MNAT1: variants seen among roughly 807,000 people sequenced by gnomAD.
The protein encoded by MNAT1 is MNAT1 component of CDK activating kinase.
Under a neutral mutation model 42.0 loss-of-function variants are expected in MNAT1, and 43 were observed. That is an observed-to-expected ratio of 1.02 (90% CI 0.80 to 1.32). The LOEUF is 1.32. Ranked by LOEUF, MNAT1 falls within the 40% of genes most tolerant of loss-of-function variation. The pLI is 0.00. For missense variants in MNAT1, 306 were observed against 350.4 expected, an observed-to-expected ratio of 0.87 and a Z score of 1.01; for synonymous variants, 118 against 120.0, an observed-to-expected ratio of 0.98 and a Z score of 0.11.
At chr14:60,894,971 A>C (rs2034921765) in intron 7 of MNAT1, among the ~76,000 whole-genome samples, 1 of 152,172 alleles carries the variant, frequency 6.6e-6, no homozygotes, top group South Asian at 2.1e-4. Flanking sequence ...AGAATTGCTA[A>C]ATAATTTGTT....
chr14:60,879,661 A>G (rs1191445666), intron 6 of MNAT1, 53 bp from the exon 7 acceptor site: 1 of 1,492,596 alleles, frequency 6.7e-7, no homozygotes. Context: ...ATAAATAAGT[A>G]GCAATATGAA....
chr14:60,952,042 A>G (rs2036393725), intron 7 of MNAT1, among the ~76,000 whole-genome samples: 1 of 152,138 alleles, frequency 6.6e-6, no homozygotes, highest in South Asian at 2.1e-4. Flanking sequence ...AAATTTTCCT[A>G]GGAGCTGTTT....
At chr14:60,788,274 T>C (rs1481613424) in intron 1 of MNAT1, among the ~76,000 whole-genome samples, 1 of 152,136 alleles carries the variant, frequency 6.6e-6, no homozygotes, top group African/African-American at 2.4e-5. Flanking sequence ...GAATCTTTTT[T>C]TCCGAGCAAT....
intron 6 of MNAT1, among the ~76,000 whole-genome samples, chr14:60,869,910 A>ATACTC (rs1190784735): frequency 6.6e-6 from 1 of 152,188 alleles, no homozygotes; most frequent in Admixed American, 6.5e-5. Flanking sequence ...AACACAAAAG[A>ATACTC]TACTCTGCTC....
intron 7 of MNAT1, among the ~76,000 whole-genome samples, chr14:60,965,512 AT>A (rs554553914): frequency 1.5e-4 from 23 of 152,344 alleles, no homozygotes; most frequent in Admixed American, 1.4e-3. Flanking sequence ...AGGATAACAT[AT>A]AAAAAGCTGT....
intron 6 of MNAT1, among the ~76,000 whole-genome samples, chr14:60,836,313 G>A (rs2033387272): frequency 6.6e-6 from 1 of 152,128 alleles, no homozygotes; most frequent in Non-Finnish European, 1.5e-5. Flanking sequence ...AGGAGAAGAG[G>A]TGTTATGCTT....
intron 6 of MNAT1, among the ~76,000 whole-genome samples, chr14:60,869,302 A>ATC (rs2034278288): frequency 6.6e-6 from 1 of 151,818 alleles, no homozygotes; most frequent in Non-Finnish European, 1.5e-5. Context: ...CGGCCTCCCA[A>ATC]AGTGCTAGGA....
intron 6 of MNAT1, among the ~76,000 whole-genome samples, chr14:60,844,434 T>C (rs960156798): frequency 6.6e-6 from 1 of 152,122 alleles, no homozygotes; most frequent in Non-Finnish European, 1.5e-5. Context: ...GTTAGACTTA[T>C]TGTCATTTTT....
At chr14:60,826,174 A>G (rs534629985) in intron 6 of MNAT1, among the ~76,000 whole-genome samples, 8 of 152,128 alleles carry the variant, frequency 5.3e-5, no homozygotes, top group Non-Finnish European at 8.8e-5. Flanking sequence ...TATTTGAAGT[A>G]TATTTTCTAG....
intron 1 of MNAT1, among the ~76,000 whole-genome samples, chr14:60,760,877 G>T (rs2030570951): frequency 6.6e-6 from 1 of 152,136 alleles, no homozygotes; most frequent in Admixed American, 6.5e-5. Context: ...TTCTTACCAG[G>T]TGCATTATTG....
chr14:60,748,494 G>A (rs575660203), intron 1 of MNAT1, among the ~76,000 whole-genome samples: 1 of 152,218 alleles, frequency 6.6e-6, no homozygotes, highest in Non-Finnish European at 1.5e-5. Context: ...GCCTCCCAAA[G>A]TGCTGGGATT....
intron 1 of MNAT1, among the ~76,000 whole-genome samples, chr14:60,784,519 C>T (rs981463699): frequency 2.6e-5 from 4 of 151,794 alleles, no homozygotes; most frequent in Admixed American, 2.6e-4. Flanking sequence ...CTTGCCCTGT[C>T]ACCCAGGCTG....
chr14:60,937,254 G>T (rs1317659359), intron 7 of MNAT1, among the ~76,000 whole-genome samples: 1 of 152,068 alleles, frequency 6.6e-6, no homozygotes, highest in Non-Finnish European at 1.5e-5. Flanking sequence ...GTCAATTTTG[G>T]CTTTTGTTGC....
intron 7 of MNAT1, among the ~76,000 whole-genome samples, chr14:60,951,123 A>C (rs1419444632): frequency 6.6e-6 from 1 of 152,190 alleles, no homozygotes; most frequent in Non-Finnish European, 1.5e-5. Context: ...AGAAGCACAG[A>C]GAGTAATATA....
At position 60,879,694 on chromosome 14, in the gene MNAT1, T is replaced by G; in HGVS notation, c.688-20T>G. ...GAAAATAATAATAAGAGGTATTAAG[T>G]TCCTTCATTTTTCTAACAGGGTCAA... is the stretch of plus-strand genomic sequence containing the variant. On this transcript the variant is annotated intron_variant, in intron 6 of 7. Transcript: ENST00000261245. The G allele has an allele frequency of 6.3e-7, 1 of 1,599,176 alleles. No homozygotes were observed.
intron 7 of MNAT1, among the ~76,000 whole-genome samples, chr14:60,936,998 G>GTC: frequency 6.6e-6 from 1 of 151,384 alleles, no homozygotes; most frequent in African/African-American, 2.5e-5. Flanking sequence ...ATTTTTTCAT[G>GTC]TGTTTTTTGG....
chr14:60,836,306 A>G (rs1011283679), intron 6 of MNAT1, among the ~76,000 whole-genome samples: 1 of 152,014 alleles, frequency 6.6e-6, no homozygotes, highest in African/African-American at 2.4e-5. Flanking sequence ...CCTTTGGAGG[A>G]GAAGAGGTGT....
At chr14:60,840,008 G>A (rs1371215917) in intron 6 of MNAT1, among the ~76,000 whole-genome samples, 2 of 152,224 alleles carry the variant, frequency 1.3e-5, no homozygotes, top group Admixed American at 1.3e-4. Flanking sequence ...TGCACAAAAG[G>A]TGCCACCAGC....
intron 5 of MNAT1, among the ~76,000 whole-genome samples, chr14:60,815,323 C>A (rs1489833579): frequency 2.0e-5 from 3 of 151,710 alleles, no homozygotes; most frequent in African/African-American, 7.3e-5. Context: ...TCAAGCAATT[C>A]TTTGCCTTAG....
Sources: gnomAD v4.1 joint callset for allele counts (sites outside exome capture counted in the v4.1 genomes callset) on GRCh38, gnomAD v4.1.1 for gene constraint, MANE v1.5 for transcripts, NCBI Gene and HGNC (gene_info 2026-07-23, HGNC 2026-07-21) for gene names.